Variants in LIMCH1 observed in about 807,000 individuals in gnomAD.
The protein encoded by LIMCH1 is LIM and calponin homology domains-containing protein 1.
LIMCH1 carries 113 observed loss-of-function variants against 176.5 expected under a neutral mutation model. The ratio of observed to expected loss-of-function variants is 0.64; its 90% CI spans 0.55 to 0.75. LIMCH1 has a LOEUF of 0.75. LIMCH1 is among the 30% of genes least tolerant of loss of function. The pLI, the probability that LIMCH1 is intolerant of heterozygous loss-of-function variation, is 0.00. For missense variants in LIMCH1, 1,674 were observed against 1,814.9 expected, an observed-to-expected ratio of 0.92 and a Z score of 1.41; for synonymous variants, 619 against 645.9, an observed-to-expected ratio of 0.96 and a Z score of 0.63.
chr4:41,361,445 T>C (rs549323036), intron 1 of LIMCH1, among the ~76,000 whole-genome samples: 6 of 152,292 alleles, frequency 3.9e-5, no homozygotes, highest in Admixed American at 2.0e-4. Flanking sequence ...CACCGGAGCC[T>C]CTTGCTGTAT....
chr4:41,451,334 C>A (rs973563254), intron 1 of LIMCH1, among the ~76,000 whole-genome samples: 2 of 151,180 alleles, frequency 1.3e-5, no homozygotes, highest in African/African-American at 4.9e-5. Context: ...CCATGTTGGT[C>A]AGGCTGATCT....
intron 1 of LIMCH1, among the ~76,000 whole-genome samples, chr4:41,476,653 A>C (rs2067792670): frequency 1.3e-5 from 2 of 152,226 alleles, no homozygotes; most frequent in South Asian, 4.1e-4. Flanking sequence ...TAAGTAGGGA[A>C]ATATTTTGTT....
chr4:41,610,013 C>T (rs1279629192), intron 4 of LIMCH1, among the ~76,000 whole-genome samples: 1 of 152,250 alleles, frequency 6.6e-6, no homozygotes, highest in African/African-American at 2.4e-5. Context: ...TGGCCAAGCA[C>T]AGCCCTGGGT....
chr4:41,543,610 G>T (rs1218467870), intron 1 of LIMCH1, among the ~76,000 whole-genome samples: 1 of 152,154 alleles, frequency 6.6e-6, no homozygotes, highest in Non-Finnish European at 1.5e-5. Context: ...ACCACCTTAT[G>T]AGCATGATTA....
chr4:41,505,782 A>G (rs1209245171), intron 2 of LIMCH1, among the ~76,000 whole-genome samples: 1 of 152,192 alleles, frequency 6.6e-6, no homozygotes, highest in Non-Finnish European at 1.5e-5. Flanking sequence ...ACACTGGTGT[A>G]GCAAATAATC....
Position 41,661,437 on chromosome 4 carries a change from G to A in LIMCH1, c.3054G>A (p.Thr1018=), listed in dbSNP as rs750948676. The A allele has an allele frequency of 6.8e-6, 11 of 1,611,622 alleles. No homozygotes were observed. In the East Asian group the frequency reaches 1.3e-4, roughly 20 times the overall value. Residue 1018 remains threonine (T), a synonymous_variant, in exon 19 of 32, where the codon ACG becomes ACA. Transcript: ENST00000503057. ...TTTTTCAGGCAACCACTGAGAAAAC[G>A]GAACCGAATAGTCAAGAGGACAAGA... ...PQELAATTEK[T]EPNSQEDKND...
At chr4:41,651,973 G>A (rs1384280564) in intron 18 of LIMCH1, among the ~76,000 whole-genome samples, 2 of 152,170 alleles carry the variant, frequency 1.3e-5, no homozygotes. Context: ...TGCTTTCGGG[G>A]TACGGGCTGG....
At chr4:41,463,110 C>T (rs1176473379) in intron 1 of LIMCH1, among the ~76,000 whole-genome samples, 1 of 151,780 alleles carries the variant, frequency 6.6e-6, no homozygotes, top group Non-Finnish European at 1.5e-5. Flanking sequence ...TATGACCATT[C>T]ACCTCCTGGA....
intron 1 of LIMCH1, among the ~76,000 whole-genome samples, chr4:41,584,794 C>T (rs953336890): frequency 6.6e-6 from 1 of 152,108 alleles, no homozygotes; most frequent in African/African-American, 2.4e-5. Context: ...CATCTCTATC[C>T]ATTTGTCTTA....
chr4:41,416,657 C>CAAAAAAA (rs35372522), intron 1 of LIMCH1, among the ~76,000 whole-genome samples: 1 of 43,676 alleles, frequency 2.3e-5, no homozygotes, highest in African/African-American at 5.2e-5. Context: ...GATTCCATCT[C>CAAAAAAA]AAAAACAAAA....
chr4:41,682,674 TCTTC>T (rs796653942), intron 26 of LIMCH1, among the ~76,000 whole-genome samples: 8 of 137,352 alleles, frequency 5.8e-5, no homozygotes, highest in Non-Finnish European at 6.5e-5. Context: ...TTTTTCTTCT[TCTTC>T]TTTTTTTTTT....
intron 3 of LIMCH1, among the ~76,000 whole-genome samples, chr4:41,530,891 C>T (rs891330820): frequency 1.5e-5 from 2 of 131,984 alleles, no homozygotes; most frequent in Non-Finnish European, 3.1e-5. Context: ...GTGAAAGTTA[C>T]CACAGTGATA....
intron 1 of LIMCH1, among the ~76,000 whole-genome samples, chr4:41,488,151 A>T (rs949965681): frequency 3.0e-4 from 46 of 152,308 alleles, no homozygotes; most frequent in South Asian, 1.7e-3. Context: ...TGGGCTGTCA[A>T]TGTTGGCACT....
intron 1 of LIMCH1, among the ~76,000 whole-genome samples, chr4:41,546,465 A>G (rs2079414307): frequency 6.6e-6 from 1 of 151,868 alleles, no homozygotes; most frequent in Admixed American, 6.6e-5. Flanking sequence ...AATAAAAATA[A>G]TCCTTGGGCA....
intron 1 of LIMCH1, among the ~76,000 whole-genome samples, chr4:41,387,785 G>T (rs1450270910): frequency 6.6e-6 from 1 of 152,216 alleles, no homozygotes; most frequent in Non-Finnish European, 1.5e-5. Flanking sequence ...CACAAATTTT[G>T]CCAGTCAAAA....
intron 17 of LIMCH1, among the ~76,000 whole-genome samples, chr4:41,648,308 G>A (rs1450254900): frequency 6.6e-6 from 1 of 152,164 alleles, no homozygotes; most frequent in Non-Finnish European, 1.5e-5. Flanking sequence ...TTAAACAGAA[G>A]GATTAGCATA....
At chr4:41,373,199 G>A (rs2054236334) in intron 1 of LIMCH1, among the ~76,000 whole-genome samples, 1 of 152,232 alleles carries the variant, frequency 6.6e-6, no homozygotes, top group Non-Finnish European at 1.5e-5. Flanking sequence ...GAAGTGCTAT[G>A]TAAGCTGAGA....
At chr4:41,526,668 C>G (rs1411839632) in intron 3 of LIMCH1, among the ~76,000 whole-genome samples, 1 of 152,212 alleles carries the variant, frequency 6.6e-6, no homozygotes, top group Non-Finnish European at 1.5e-5. Flanking sequence ...CAAGTACTCT[C>G]TCCTGAACTC....
Position 41,646,207 on chromosome 4 carries a change from T to C in LIMCH1, c.2338T>C (p.Leu780=). 6.2e-7 allele frequency: 1 copy of C among 1,614,088 alleles called. No individual in the cohort carries two copies. The highest frequency in any genetic ancestry group is 8.5e-7 in the Non-Finnish European group (1 of 1,179,994). ...GGAAGAAAGGAAAAAAATGGAGAAGTTACTGGCTGGAGAAGATGGGACAAG... is the reference window on the plus strand; with the variant it reads ...GGAAGAAAGGAAAAAAATGGAGAAGCTACTGGCTGGAGAAGATGGGACAAG... ...KEEERKKMEK[L]LAGEDGTSER... The change falls in exon 16 of 32, where the codon TTA becomes CTA. Residue 780 remains leucine (L), a synonymous_variant. Transcript: ENST00000503057.
Sources: gnomAD v4.1 joint callset for allele counts (sites outside exome capture counted in the v4.1 genomes callset) on GRCh38, gnomAD v4.1.1 for gene constraint, MANE v1.5 for transcripts, NCBI Gene and HGNC (gene_info 2026-07-23, HGNC 2026-07-21) for gene names.